Variants in ZNF444 observed in about 807,000 individuals in gnomAD.
ZNF444 encodes endothelial zinc finger protein 2.
Under a neutral mutation model 14.4 loss-of-function variants are expected in ZNF444, and 8 were observed. The ratio of observed to expected loss-of-function variants is 0.56; its 90% CI spans 0.33 to 1.00. The LOEUF is 1.00. Among genes scored for constraint, ZNF444 ranks in the 50% least tolerant of loss-of-function variants. The probability of loss-of-function intolerance (pLI) is 0.03; values close to 1 mark genes in which losing one functional copy is unlikely to be tolerated. For missense variants in ZNF444, 510 were observed against 504.8 expected, an observed-to-expected ratio of 1.01 and a Z score of -0.10; for synonymous variants, 258 against 235.9, an observed-to-expected ratio of 1.09 and a Z score of -0.86.
Position 56,160,491 on chromosome 19 carries a change from T to A in ZNF444, c.*290T>A. On this transcript the variant is annotated 3_prime_UTR_variant, in exon 5 of 5. Transcript: ENST00000337080. ...TCCCTAATGTCTCCTCCTTCCCCCCTCTTCTCTCTCCTGCGGCCCAGCCTC... is the reference window on the plus strand; with the variant it reads ...TCCCTAATGTCTCCTCCTTCCCCCCACTTCTCTCTCCTGCGGCCCAGCCTC... 5.5e-6 allele frequency: 2 copies of A among 365,290 alleles called. No homozygotes were observed. The highest frequency in any genetic ancestry group is 4.9e-6 in the Non-Finnish European group (1 of 203,214). 22.6% of individuals were successfully genotyped at this position (365,290 alleles called of 1,614,324 possible). A position where few individuals can be genotyped will look rare whatever the true frequency, so the allele number is the denominator to read the frequency against.
rs1177153443 is a variant in ZNF444, at chr19:56,147,679, CT to C, written c.297+472del. On this transcript the variant is annotated intron_variant, in intron 3 of 4. Coordinates refer to ENST00000337080, the MANE Select transcript of ZNF444 (RefSeq NM_018337.4). This position sits in a 1 kb window ranked among gnomAD's most constrained non-coding sequence, Gnocchi z 5.9. ...GTGGCTGACCTCAGCCTCCCGCCCC[CT>C]GAAAGTCAAGGATACCCCCTGGTCC... Among the ~76,000 whole-genome samples the C allele has an allele frequency of 6.6e-6, 1 of 152,146 alleles. No individual in the cohort carries two copies. Among genetic ancestry groups the C allele is most frequent in the African/African-American group, 2.4e-5 (1 of 41,430 alleles).
At chr19:56,140,443 T>TA (rs2030730211), upstream of ZNF444, among the ~76,000 whole-genome samples, 1 of 152,116 alleles carries the variant, frequency 6.6e-6, no homozygotes, top group Non-Finnish European at 1.5e-5. Context: ...GTCTGTCCAA[T>TA]AGGGGCACAG....
At chr19:56,143,925 G>GC (rs1462443283) in intron 1 of ZNF444, among the ~76,000 whole-genome samples, 1 of 152,136 alleles carries the variant, frequency 6.6e-6, no homozygotes, top group Non-Finnish European at 1.5e-5. Flanking sequence ...AGTCAGGTAA[G>GC]CAAAGATTGG....
rs1724366418 is a variant in ZNF444, at chr19:56,144,165, T to G, written c.-196-2082T>G. On this transcript the variant is annotated intron_variant, in intron 1 of 4. Coordinates refer to ENST00000337080, the MANE Select transcript of ZNF444 (RefSeq NM_018337.4). The surrounding 1 kb of genome is among the most constrained non-coding windows in gnomAD (Gnocchi z 4.0). The stretch of plus-strand genomic sequence containing the variant: ...CTCTACAAAAAATATAAAAATTAGC[T>G]GGGTGTGTTGGTGCCTGCCTGTGGT... Among the ~76,000 whole-genome samples, 2 of 151,750 alleles carry G rather than the reference T, an allele frequency of 1.3e-5. No individual in the cohort carries two copies. The highest frequency in any genetic ancestry group is 6.6e-5 in the Admixed American group (1 of 15,242).
chr19:56,159,761 C>T lies in ZNF444; in HGVS notation c.544C>T (p.Pro182Ser), dbSNP rs770179725. 1 of 1,592,660 alleles carries T rather than the reference C, an allele frequency of 6.3e-7. No homozygotes were observed. The highest frequency in any genetic ancestry group is 8.5e-7 in the Non-Finnish European group (1 of 1,173,354). ...FLAAPGTTSC[P>S]ECGKTSLKPA... ...AGCGGCCCCGGGCACCACGTCCTGC[C>T]CCGAGTGCGGCAAAACGTCCCTGAA... Residue 182 changes from proline to serine, a missense_variant, in exon 5 of 5, where the codon CCC (proline) becomes TCC (serine). Pro to Ser is a moderately conservative substitution (Grantham distance 74). Coordinates refer to ENST00000337080, the MANE Select transcript of ZNF444 (RefSeq NM_018337.4).
rs937193612 is a variant in ZNF444 at position 56,160,136 on chromosome 19, G to A, written c.919G>A (p.Ala307Thr). 3 of 1,483,388 alleles carry A rather than the reference G, an allele frequency of 2.0e-6. No individual in the cohort carries two copies. Among genetic ancestry groups the A allele is most frequent in the Non-Finnish European group, 1.8e-6 (2 of 1,125,148 alleles). The allele number at this position is 1,483,388 out of a possible 1,614,324, so 91.9% of individuals were successfully genotyped here. ...QRIHGRAAAS[A>T]QGAVAPGPDG... ...CATCCACGGCCGGGCAGCGGCCAGC[G>A]CGCAGGGGGCGGTAGCTCCGGGCCC... The change falls in exon 5 of 5, where the codon GCG (alanine) becomes ACG (threonine). Residue 307 changes from alanine to threonine, a missense_variant. Coordinates refer to ENST00000337080, the MANE Select transcript of ZNF444 (RefSeq NM_018337.4).
At chr19:56,140,561 G>A (rs1217561944), upstream of ZNF444, among the ~76,000 whole-genome samples, 1 of 152,162 alleles carries the variant, frequency 6.6e-6, no homozygotes. Context: ...GAGCCAAACC[G>A]AGGCCCCCGC....
chr19:56,159,914 C>A lies in ZNF444; in HGVS notation c.697C>A (p.Pro233Thr), dbSNP rs866559909. The A allele has an allele frequency of 7.3e-6, 11 of 1,503,134 alleles. No individual in the cohort carries two copies. The highest frequency in any genetic ancestry group is 8.8e-6 in the Non-Finnish European group (10 of 1,132,092). The allele number at this position is 1,503,134 out of a possible 1,614,324, so 93.1% of individuals were successfully genotyped here. A position where few individuals can be genotyped will look rare whatever the true frequency, so the allele number is the denominator to read the frequency against. The stretch of plus-strand genomic sequence containing the variant: ...CCACCGCGACACGCACCCCGGCAGC[C>A]CCGGCAGCCCCGGGCCCGCGCTGCG... ...RRHRDTHPGS[P>T]GSPGPALRPL... The change falls in exon 5 of 5, where the codon CCC becomes ACC. Residue 233 changes from proline to threonine, a missense_variant. Coordinates refer to ENST00000337080, the MANE Select transcript of ZNF444 (RefSeq NM_018337.4).
chr19:56,142,505 G>A (rs1472123559), intron 1 of ZNF444: 1 of 152,188 alleles, frequency 6.6e-6, no homozygotes, highest in Admixed American at 6.5e-5. Context: ...AAGTGCTACT[G>A]GCATCTCATG....
intron 3 of ZNF444, chr19:56,157,286 C>T (rs1157226854): frequency 1.3e-5 from 2 of 152,378 alleles, no homozygotes; most frequent in Non-Finnish European, 2.9e-5. Flanking sequence ...GCCTCAGCTG[C>T]CTGAGTCACT....
In ZNF444 at chr19:56,159,764, G is replaced by A. The variant is rs1369395070; in HGVS notation, c.547G>A (p.Glu183Lys). 6.3e-7 allele frequency: 1 copy of A among 1,592,690 alleles called. No individual in the cohort carries two copies. The highest frequency in any genetic ancestry group is 8.5e-7 in the Non-Finnish European group (1 of 1,173,468). The change falls in exon 5 of 5, where the codon GAG (glutamate) becomes AAG (lysine). Residue 183 changes from glutamate (E) to lysine (K), a missense_variant. Physicochemically the swap from Glu to Lys is moderately conservative, Grantham distance 56 (BLOSUM62 1). Transcript: ENST00000337080. Reference protein sequence around the residue: ...LAAPGTTSCPECGKTSLKPAH... With the variant: ...LAAPGTTSCPKCGKTSLKPAH... ...GGCCCCGGGCACCACGTCCTGCCCC[G>A]AGTGCGGCAAAACGTCCCTGAAACC...
In ZNF444 at chr19:56,146,916, A is replaced by C; in HGVS notation, c.5A>C (p.Glu2Ala). Reference protein sequence around the residue: MEVAVPVKQEAE... With the variant: MAVAVPVKQEAE... ...CGCTGCGGTCCGGGAGGCCCCATGG[A>C]GGTGGCGGTGCCCGTGAAGCAGGAG... The change falls in exon 3 of 5, where the codon GAG (glutamate) becomes GCG (alanine). Residue 2 changes from glutamate to alanine, a missense_variant. Physicochemically the swap from Glu to Ala is moderately radical, Grantham distance 107 (BLOSUM62 -1). Coordinates refer to ENST00000337080, the MANE Select transcript of ZNF444 (RefSeq NM_018337.4). 1 of 1,428,832 alleles carries C rather than the reference A, an allele frequency of 7.0e-7. No individual in the cohort carries two copies. Among genetic ancestry groups the C allele is most frequent in the Non-Finnish European group, 9.1e-7 (1 of 1,100,984 alleles). The allele number at this position is 1,428,832 out of a possible 1,614,324, so 88.5% of individuals were successfully genotyped here. A position where few individuals can be genotyped will look rare whatever the true frequency, so the allele number is the denominator to read the frequency against.
At position 56,159,811 on chromosome 19, in the gene ZNF444, G is replaced by T; in HGVS notation, c.594G>T (p.Arg198=). ...SLKPAHLLRH[R]QSHSGEKPHA... ...AACCAGCTCACCTGCTGCGCCACCGGCAGAGCCACTCGGGCGAGAAGCCGC... is the reference window on the plus strand; with the variant it reads ...AACCAGCTCACCTGCTGCGCCACCGTCAGAGCCACTCGGGCGAGAAGCCGC... The change falls in exon 5 of 5, where the codon CGG becomes CGT. Residue 198 remains arginine (R), a synonymous_variant. Coordinates refer to ENST00000337080, the MANE Select transcript of ZNF444 (RefSeq NM_018337.4). 1 of 1,582,844 alleles carries T rather than the reference G, an allele frequency of 6.3e-7. No individual in the cohort carries two copies. Among genetic ancestry groups the T allele is most frequent in the Non-Finnish European group, 8.5e-7 (1 of 1,170,018 alleles).
rs1239562784 is a variant in ZNF444 at position 56,159,875 on chromosome 19, G to T, written c.658G>T (p.Glu220Ter). The T allele has an allele frequency of 4.6e-6, 7 of 1,532,020 alleles. No individual in the cohort carries two copies. Among genetic ancestry groups the T allele is most frequent in the Non-Finnish European group, 6.1e-6 (7 of 1,144,974 alleles). The allele number at this position is 1,532,020 out of a possible 1,614,324, so 94.9% of individuals were successfully genotyped here. A position where few individuals can be genotyped will look rare whatever the true frequency, so the allele number is the denominator to read the frequency against. ...GTGCGGGAAGGCCTTTCGGCGCAAG[G>T]AGCACCTGCGGCGCCACCGCGACAC... ...PECGKAFRRK[E>*]HLRRHRDTHP... Residue 220 changes from glutamate (E) to a stop codon, truncating the protein, a stop_gained, in exon 5 of 5, where the codon GAG becomes TAG. Transcript: ENST00000337080. LOFTEE classifies it low-confidence loss of function (END_TRUNC).
At chr19:56,151,794 A>C (rs1457547547) in intron 3 of ZNF444, 2 of 450,290 alleles carry the variant, frequency 4.4e-6, no homozygotes, top group Non-Finnish European at 8.9e-6. Context: ...TAGACAGCTG[A>C]CATCTGGGGG....
At chr19:56,143,244 G>C (rs1005410936) in intron 1 of ZNF444, 3 of 152,366 alleles carry the variant, frequency 2.0e-5, no homozygotes, top group Non-Finnish European at 2.9e-5. Context: ...ACCCAGTGAA[G>C]AGCTGGACTT....
At position 56,147,021 on chromosome 19, in the gene ZNF444, C is replaced by T; in HGVS notation, c.110C>T (p.Ala37Val). The change falls in exon 3 of 5, where the codon GCG (alanine) becomes GTG (valine). Residue 37 changes from alanine to valine, a missense_variant. Physicochemically the swap from Ala to Val is moderately conservative, Grantham distance 64 (BLOSUM62 0). Coordinates refer to ENST00000337080, the MANE Select transcript of ZNF444 (RefSeq NM_018337.4). The surrounding 1 kb of genome is among the most constrained non-coding windows in gnomAD (Gnocchi z 5.9). ...GGCGACGCGCCGGGCCCGCGGGAGG[C>T]GCTGGGGCTGCTCCGCGCCCTGTGC... ...HLGDAPGPRE[A>V]LGLLRALCRD... The T allele has an allele frequency of 1.3e-6, 2 of 1,490,930 alleles. No homozygotes were observed. The highest frequency in any genetic ancestry group is 1.8e-6 in the Non-Finnish European group (2 of 1,130,162). 92.4% of individuals were successfully genotyped at this position (1,490,930 alleles called of 1,614,324 possible). A position where few individuals can be genotyped will look rare whatever the true frequency, so the allele number is the denominator to read the frequency against.
chr19:56,139,359 G>A (rs538514050), upstream of ZNF444, among the ~76,000 whole-genome samples: 4 of 152,076 alleles, frequency 2.6e-5, no homozygotes, highest in Non-Finnish European at 5.9e-5. Flanking sequence ...AGAGCCAATA[G>A]GACCTGATGA....
intron 2 of ZNF444, 75 bp from the exon 3 acceptor site, chr19:56,146,815 T>G: frequency 9.1e-7 from 1 of 1,099,826 alleles, no homozygotes; most frequent in Non-Finnish European, 1.2e-6. Flanking sequence ...AAAAAGAGCG[T>G]TGGTCCCATT....
Sources: gnomAD v4.1 joint callset for allele counts (sites outside exome capture counted in the v4.1 genomes callset) on GRCh38, gnomAD v4.1.1 for gene constraint, Gnocchi (gnomAD v3.1) non-coding constraint, MANE v1.5 for transcripts, NCBI Gene and HGNC (gene_info 2026-07-23, HGNC 2026-07-21) for gene names.